The following DUS2 variants were observed in gnomAD, a reference collection of about 807,000 sequenced individuals.
DUS2 encodes the protein tRNA-dihydrouridine(20) synthase [NAD(P)+]-like.
A neutral mutation model predicts 71.3 loss-of-function variants in DUS2; 52 were observed. The observed-to-expected ratio is 0.73, with a 90% confidence interval of 0.58 to 0.92. DUS2 has a LOEUF of 0.92. Among genes scored for constraint, DUS2 ranks in the 40% least tolerant of loss-of-function variants. DUS2 has a pLI of 0.00. For missense variants in DUS2, 558 were observed against 622.6 expected (o/e 0.90, Z 1.10); for synonymous variants, 204 against 227.8 (o/e 0.90, Z 0.94).
chr16:68,074,201 C>A (rs1172705769), intron 13 of DUS2, 46 bp downstream of exon 13: 7 of 1,610,094 alleles, frequency 4.3e-6, no homozygotes. Context: ...ACGCATTGCC[C>A]AAGTTTGACT....
chr16:68,054,043 G>A (rs2033815909), intron 5 of DUS2: 1 of 203,692 alleles, frequency 4.9e-6, no homozygotes, highest in Admixed American at 5.3e-5. Context: ...GTTAAGATTT[G>A]TATTTGAGTT....
Position 68,075,465 on chromosome 16 carries a change from A to G in DUS2, c.1043A>G (p.Asp348Gly), listed in dbSNP as rs2034143975. Residue 348 changes from aspartate to glycine, a missense_variant, in exon 14 of 17, where the codon GAT (aspartate) becomes GGT (glycine). Asp to Gly is a moderately conservative substitution (Grantham distance 94). Coordinates refer to ENST00000565263, the MANE Select transcript of DUS2 (RefSeq NM_017803.5). ...GAGCAGACAGGGGAGCCAGCTGAAGATACCTCTGGTGTCATTAAGATGGCT... is the reference window on the plus strand; with the variant it reads ...GAGCAGACAGGGGAGCCAGCTGAAGGTACCTCTGGTGTCATTAAGATGGCT... Reference protein sequence around the residue: ...TSEQTGEPAEDTSGVIKMAVK... With the variant: ...TSEQTGEPAEGTSGVIKMAVK... 1 of 1,613,734 alleles carries G rather than the reference A, an allele frequency of 6.2e-7. No individual in the cohort carries two copies. Among genetic ancestry groups the G allele is most frequent in the Non-Finnish European group, 8.5e-7 (1 of 1,179,870 alleles).
Position 68,078,689 on chromosome 16 carries a change from A to C in DUS2, c.1245-60A>C, listed in dbSNP as rs376802478. On this transcript the variant is annotated intron_variant, in intron 16 of 16. Transcript: ENST00000565263. The stretch of plus-strand genomic sequence containing the variant: ...TTGTCAGAATCTGCCAAGGATGTGT[A>C]GAGTCAGGCCTCATAGCCCTGCACC... The C allele has an allele frequency of 2.6e-4, 396 of 1,545,440 alleles. 4 individuals carry two copies. In the African/African-American group the frequency reaches 4.7e-3, roughly 18 times the overall value.
chr16:68,064,278 C>T (rs926864740), intron 8 of DUS2, among the ~76,000 whole-genome samples: 6 of 152,126 alleles, frequency 3.9e-5, no homozygotes, highest in African/African-American at 1.2e-4. Context: ...GAGTTGGTGT[C>T]CAGGAGAGTG....
chr16:68,025,421 A>T lies in DUS2; in HGVS notation c.-92A>T, dbSNP rs1212502787. On this transcript the variant is annotated 5_prime_UTR_variant, in exon 2 of 17. Coordinates refer to ENST00000565263, the MANE Select transcript of DUS2 (RefSeq NM_017803.5). ...ATGTGCCACTGTTTTTCAGATATCA[A>T]ACAAAGAATTACTCTGTACAAAGCC... 1 of 152,210 alleles carries T rather than the reference A, an allele frequency of 6.6e-6. No homozygotes were observed. Among genetic ancestry groups the T allele is most frequent in the Non-Finnish European group, 1.5e-5 (1 of 68,036 alleles). The allele number at this position is 152,210 out of a possible 1,614,324, so 9.4% of individuals were successfully genotyped here. A position where few individuals can be genotyped will look rare whatever the true frequency, so the allele number is the denominator to read the frequency against.
intron 3 of DUS2, among the ~76,000 whole-genome samples, chr16:68,045,334 G>A (rs145440136): frequency 6.6e-6 from 1 of 151,996 alleles, no homozygotes; most frequent in African/African-American, 2.4e-5. Flanking sequence ...GGCCCAGCGT[G>A]GTGGCTCACA....
rs766723286 is a variant in DUS2 at position 68,074,037 on chromosome 16, G to A, written c.814G>A (p.Val272Met). 7 of 1,613,962 alleles carry A rather than the reference G, an allele frequency of 4.3e-6. No homozygotes were observed. The East Asian group carries it at 1.1e-4, about 26-fold the overall frequency. The change falls in exon 13 of 17, where the codon GTG becomes ATG. Residue 272 changes from valine (V) to methionine (M), a missense_variant. Physicochemically the swap from Val to Met is conservative, Grantham distance 21. Transcript: ENST00000565263. The part of the protein sequence containing the change: ...EVMQKYIRYA[V>M]QYDNHYTNTK... ...GGCAAGTCATTTCTTTTCTCAGGCG[G>A]TGCAGTATGACAACCACTACACCAA...
In DUS2 at chr16:68,061,051, T is replaced by C. The variant is rs763150190; in HGVS notation, c.370-15T>C. The C allele has an allele frequency of 1.2e-6, 2 of 1,613,606 alleles. No homozygotes were observed. Among genetic ancestry groups the C allele is most frequent in the Non-Finnish European group, 1.7e-6 (2 of 1,179,666 alleles). The stretch of plus-strand genomic sequence containing the variant: ...CTCCCAGATGTAAGAAGACCTTTTG[T>C]GTGTTTCTCCTTAGGGAGGAATGGG... On this transcript the variant is annotated splice_polypyrimidine_tract_variant and intron_variant, in intron 7 of 16. Coordinates refer to ENST00000565263, the MANE Select transcript of DUS2 (RefSeq NM_017803.5).
intron 2 of DUS2, among the ~76,000 whole-genome samples, chr16:68,031,073 G>C (rs1210513897): frequency 6.6e-6 from 1 of 151,904 alleles, no homozygotes; most frequent in African/African-American, 2.4e-5. Flanking sequence ...TTGTAATTCA[G>C]ATAAAATGCT....
intron 2 of DUS2, among the ~76,000 whole-genome samples, chr16:68,028,418 G>A (rs994872919): frequency 1.3e-5 from 2 of 151,996 alleles, no homozygotes; most frequent in Non-Finnish European, 2.9e-5. Context: ...GGTGAATCAC[G>A]AAGTCAGGAG....
At position 68,078,946 on chromosome 16, in the gene DUS2, C is replaced by A. The variant is rs754913447; in HGVS notation, c.1442C>A (p.Ala481Asp). The stretch of plus-strand genomic sequence containing the variant: ...GATCTGTGCAAGAAGCCCTTTGTGG[C>A]CTTGGGAAGTGGTGAAGAAAGCCCC... ...PGDLCKKPFV[A>D]LGSGEESPLE... Residue 481 changes from alanine to aspartate, a missense_variant, in exon 17 of 17, where the codon GCC (alanine) becomes GAC (aspartate). Coordinates refer to ENST00000565263, the MANE Select transcript of DUS2 (RefSeq NM_017803.5). 9 of 1,592,860 alleles carry A rather than the reference C, an allele frequency of 5.7e-6. No homozygotes were observed. Among genetic ancestry groups the A allele is most frequent in the Non-Finnish European group, 7.7e-6 (9 of 1,166,744 alleles).
chr16:68,049,607 C>G, intron 4 of DUS2, 57 bp downstream of exon 4: 1 of 1,522,782 alleles, frequency 6.6e-7, no homozygotes, highest in South Asian at 1.1e-5. Flanking sequence ...TCAAGCAGCA[C>G]TACCACTGCC....
At position 68,066,345 on chromosome 16, in the gene DUS2, G is replaced by T; in HGVS notation, c.446G>T (p.Arg149Leu). ...CTCAGCACTCTTGTTAAAGGGACAC[G>T]CAGACCTGTGACCTGCAAGATTCGC... ...KILSTLVKGTRRPVTCKIRIL... is the reference protein window; with the variant it reads ...KILSTLVKGTLRPVTCKIRIL... The change falls in exon 9 of 17, where the codon CGC becomes CTC. Residue 149 changes from arginine (R) to leucine (L), a missense_variant. Coordinates refer to ENST00000565263, the MANE Select transcript of DUS2 (RefSeq NM_017803.5). The T allele has an allele frequency of 6.2e-7, 1 of 1,614,182 alleles. No homozygotes were observed. The highest frequency in any genetic ancestry group is 8.5e-7 in the Non-Finnish European group (1 of 1,180,024).
chr16:68,039,854 G>A (rs1253545720), intron 3 of DUS2, among the ~76,000 whole-genome samples: 1 of 152,092 alleles, frequency 6.6e-6, no homozygotes, highest in Admixed American at 6.6e-5. Context: ...CTTGAGGAAT[G>A]AATAGCAGAT....
In DUS2 at chr16:68,075,354, G is replaced by A; in HGVS notation, c.933-1G>A. 6.2e-7 allele frequency: 1 copy of A among 1,604,280 alleles called. No individual in the cohort carries two copies. Among genetic ancestry groups the A allele is most frequent in the Non-Finnish European group, 8.5e-7 (1 of 1,174,736 alleles). ...GCTCTGATCTGCTTCTTCCTCCCTAGTGAGGCCTTTGGCCTTGGTGCCTTC... is the reference window on the plus strand; with the variant it reads ...GCTCTGATCTGCTTCTTCCTCCCTAATGAGGCCTTTGGCCTTGGTGCCTTC... On this transcript the variant is annotated splice_acceptor_variant, in intron 13 of 16. Coordinates refer to ENST00000565263, the MANE Select transcript of DUS2 (RefSeq NM_017803.5). LOFTEE classifies it high-confidence loss of function.
intron 12 of DUS2, among the ~76,000 whole-genome samples, chr16:68,072,601 C>G (rs901551661): frequency 2.0e-5 from 3 of 152,190 alleles, no homozygotes; most frequent in African/African-American, 7.2e-5. Flanking sequence ...TTGCCACCAG[C>G]CGGGGCGCCC....
At chr16:68,027,715 T>C (rs1435044213) in intron 2 of DUS2, among the ~76,000 whole-genome samples, 1 of 152,250 alleles carries the variant, frequency 6.6e-6, no homozygotes, top group Non-Finnish European at 1.5e-5. Flanking sequence ...GATAGCTCCA[T>C]GCCAGGACAG....
chr16:68,032,531 G>A (rs1376152012), intron 2 of DUS2, among the ~76,000 whole-genome samples: 3 of 152,152 alleles, frequency 2.0e-5, no homozygotes, highest in African/African-American at 7.2e-5. Context: ...ATTTTCTGTA[G>A]GGACGTATCT....
At chr16:68,060,197 T>C (rs1001075516) in intron 7 of DUS2, among the ~76,000 whole-genome samples, 4 of 152,184 alleles carry the variant, frequency 2.6e-5, no homozygotes, top group African/African-American at 4.8e-5. Context: ...TGGGATTTAG[T>C]TTATTAAGAC....
Sources: gnomAD v4.1 joint callset for allele counts (sites outside exome capture counted in the v4.1 genomes callset) on GRCh38, gnomAD v4.1.1 for gene constraint, MANE v1.5 for transcripts, NCBI Gene and HGNC (gene_info 2026-07-23, HGNC 2026-07-21) for gene names.